The following LYPD6B variants were observed in gnomAD, a reference collection of about 807,000 sequenced individuals.
The protein encoded by LYPD6B is LY6/PLAUR domain containing 6B, also known as ly6/PLAUR domain-containing protein 6B.
A neutral mutation model predicts 22.8 loss-of-function variants in LYPD6B; 17 were observed. The ratio of observed to expected loss-of-function variants is 0.75; its 90% CI spans 0.51 to 1.12. The LOEUF is 1.12. Among genes scored for constraint, LYPD6B ranks in the 50% most tolerant of loss-of-function variants. The pLI, the probability that LYPD6B is intolerant of heterozygous loss-of-function variation, is 0.00. For missense variants in LYPD6B, 221 were observed against 258.3 expected (o/e 0.86, Z 0.99); for synonymous variants, 106 against 91.6 (o/e 1.16, Z -0.90).
chr2:149,101,627 A>T (rs1053588085), intron 1 of LYPD6B: 2 of 152,316 alleles, frequency 1.3e-5, no homozygotes, highest in African/African-American at 4.8e-5. Flanking sequence ...AAATACTCCC[A>T]CAGGCACCGT....
chr2:149,205,462 A>G, intron 4 of LYPD6B, 58 bp downstream of exon 4: 1 of 1,539,948 alleles, frequency 6.5e-7, no homozygotes. Flanking sequence ...TGTTAATATG[A>G]AGCCCCCTTT....
intron 1 of LYPD6B, among the ~76,000 whole-genome samples, chr2:149,092,519 C>G (rs1319549534): frequency 6.6e-6 from 1 of 152,176 alleles, no homozygotes; most frequent in African/African-American, 2.4e-5. Context: ...CATATCTGCT[C>G]TTCCTTAAAA....
At chr2:149,111,633 A>C (rs1686764314) in intron 1 of LYPD6B, among the ~76,000 whole-genome samples, 1 of 152,150 alleles carries the variant, frequency 6.6e-6, no homozygotes, top group Admixed American at 6.6e-5. Flanking sequence ...AGTGTTAAGG[A>C]GGCAGTTGGA....
At chr2:149,205,060 G>T in intron 3 of LYPD6B, 193 bp from the exon 4 acceptor site, 1 of 576,768 alleles carries the variant, frequency 1.7e-6, no homozygotes, top group Non-Finnish European at 3.0e-6. Context: ...GCAGAGGCCT[G>T]ACCAGTAGAA....
intron 3 of LYPD6B, among the ~76,000 whole-genome samples, chr2:149,199,663 T>A (rs1394633657): frequency 1.3e-5 from 2 of 152,204 alleles, no homozygotes; most frequent in African/African-American, 4.8e-5. Flanking sequence ...AACTTCTCTC[T>A]CCTATTCTGC....
intron 1 of LYPD6B, among the ~76,000 whole-genome samples, chr2:149,069,177 TGG>T (rs1477987240): frequency 7.1e-6 from 1 of 141,210 alleles, no homozygotes; most frequent in Non-Finnish European, 1.5e-5. Flanking sequence ...GTGGGTGGGC[TGG>T]TGGGGGTGGC....
At chr2:149,147,208 A>C (rs1243740643) in intron 2 of LYPD6B, among the ~76,000 whole-genome samples, 7 of 88,846 alleles carry the variant, frequency 7.9e-5, no homozygotes, top group Admixed American at 2.2e-4. Context: ...ACGTGTTCAA[A>C]AGAAAACAAA....
intron 1 of LYPD6B, among the ~76,000 whole-genome samples, chr2:149,096,797 A>C (rs933959912): frequency 6.6e-6 from 1 of 152,222 alleles, no homozygotes; most frequent in Non-Finnish European, 1.5e-5. Flanking sequence ...TAAAGGTCTC[A>C]TCAAGAGCAG....
intron 2 of LYPD6B, among the ~76,000 whole-genome samples, chr2:149,137,515 T>C (rs977470338): frequency 4.6e-5 from 7 of 152,252 alleles, no homozygotes; most frequent in Non-Finnish European, 7.3e-5. Context: ...ACATTTTGTC[T>C]GGAATATAAA....
intron 1 of LYPD6B, among the ~76,000 whole-genome samples, chr2:149,083,076 AG>A (rs1685210399): frequency 1.3e-5 from 2 of 152,162 alleles, no homozygotes; most frequent in African/African-American, 4.8e-5. Context: ...AAGTCTGGAG[AG>A]GCTGAATAAA....
intron 1 of LYPD6B, among the ~76,000 whole-genome samples, chr2:149,107,772 G>A (rs1193407425): frequency 6.6e-6 from 1 of 152,062 alleles, no homozygotes; most frequent in Non-Finnish European, 1.5e-5. Flanking sequence ...ATTTACCTGT[G>A]TTTTGGCAGA....
chr2:149,105,590 T>C (rs1461582849), intron 1 of LYPD6B, among the ~76,000 whole-genome samples: 2 of 152,172 alleles, frequency 1.3e-5, no homozygotes, highest in African/African-American at 4.8e-5. Flanking sequence ...GCTGAAAATT[T>C]TTTTAATTCC....
chr2:149,116,925 T>C (rs1411791775), intron 1 of LYPD6B, among the ~76,000 whole-genome samples: 1 of 152,130 alleles, frequency 6.6e-6, no homozygotes, highest in African/African-American at 2.4e-5. Context: ...AGCTTCTAGT[T>C]TCCCCCCTAT....
At chr2:149,080,923 G>A (rs1685106727) in intron 1 of LYPD6B, among the ~76,000 whole-genome samples, 1 of 146,990 alleles carries the variant, frequency 6.8e-6, no homozygotes, top group Admixed American at 6.8e-5. Flanking sequence ...CAGATTTGTT[G>A]TCTGACTGGG....
intron 2 of LYPD6B, among the ~76,000 whole-genome samples, chr2:149,138,155 C>G (rs2105750689): frequency 6.6e-6 from 1 of 152,240 alleles, no homozygotes; most frequent in South Asian, 2.1e-4. Flanking sequence ...AAATTATGTT[C>G]TCTTTTCTAC....
chr2:149,161,947 T>C (rs1441148925), intron 3 of LYPD6B, among the ~76,000 whole-genome samples: 1 of 152,208 alleles, frequency 6.6e-6, no homozygotes, highest in Non-Finnish European at 1.5e-5. Context: ...GGAATTTATA[T>C]ATTATCATCA....
intron 1 of LYPD6B, among the ~76,000 whole-genome samples, chr2:149,113,680 G>A (rs866246952): frequency 6.6e-6 from 1 of 152,088 alleles, no homozygotes; most frequent in African/African-American, 2.4e-5. Flanking sequence ...AATAGATCTA[G>A]AAATTGCTAG....
At chr2:149,193,746 G>T (rs535108549) in intron 3 of LYPD6B, among the ~76,000 whole-genome samples, 1 of 151,992 alleles carries the variant, frequency 6.6e-6, no homozygotes, top group Non-Finnish European at 1.5e-5. Context: ...ATCTAGTGTT[G>T]TTTCTTGAAA....
intron 3 of LYPD6B, among the ~76,000 whole-genome samples, chr2:149,164,393 A>G (rs1438762402): frequency 6.6e-6 from 1 of 152,138 alleles, no homozygotes; most frequent in Non-Finnish European, 1.5e-5. Context: ...TTGGAGCCAC[A>G]TATCTGGACC....
Sources: allele counts gnomAD v4.1 joint callset (sites outside exome capture counted in the v4.1 genomes callset), GRCh38; gene constraint gnomAD v4.1.1; transcripts MANE v1.5; gene names NCBI Gene and HGNC (gene_info 2026-07-23, HGNC 2026-07-21).